Variants in CCDC3 observed in about 807,000 individuals in gnomAD.
CCDC3 encodes the protein coiled-coil domain-containing protein 3.
In CCDC3, 24 loss-of-function variants were observed where a neutral mutation model predicts 21.4. The observed-to-expected ratio is 1.12, with a 90% CI of 0.81 to 1.58. The LOEUF is 1.58. Among genes scored for constraint, CCDC3 ranks in the 40% most tolerant of loss-of-function variants. CCDC3 has a pLI of 0.00. For synonymous variants in CCDC3, 186 were observed against 166.0 expected (o/e 1.12, Z -0.93); for missense variants, 425 against 360.9 (o/e 1.18, Z -1.44).
upstream of CCDC3, among the ~76,000 whole-genome samples, chr10:13,004,978 CA>C (rs964980851): frequency 6.6e-6 from 1 of 152,154 alleles, no homozygotes; most frequent in African/African-American, 2.4e-5. Context: ...TCCATTCATT[CA>C]CCTCTTCCCA....
At chr10:13,034,423 A>T (rs1216987925) in intron 5 of CCDC3, among the ~76,000 whole-genome samples, 4 of 151,930 alleles carry the variant, frequency 2.6e-5, no homozygotes, top group African/African-American at 9.7e-5. Context: ...GCACACCAAC[A>T]TGGCACCTGT....
At chr10:12,958,759 G>C (rs1196645527) in intron 2 of CCDC3, among the ~76,000 whole-genome samples, 1 of 152,136 alleles carries the variant, frequency 6.6e-6, no homozygotes, top group African/African-American at 2.4e-5. Context: ...GCTGACATCA[G>C]CCTCATCCTC....
chr10:13,032,766 T>C (rs960340824), intron 5 of CCDC3, among the ~76,000 whole-genome samples: 1 of 152,112 alleles, frequency 6.6e-6, no homozygotes. Context: ...ATAAAATACC[T>C]AGGAATCCAA....
intron 2 of CCDC3, among the ~76,000 whole-genome samples, chr10:12,989,818 T>C (rs563837483): frequency 6.6e-6 from 1 of 152,316 alleles, no homozygotes; most frequent in East Asian, 1.9e-4. Flanking sequence ...TCATTTGCGC[T>C]GCTGGTGCAA....
chr10:12,933,786 T>A (rs1438776235), intron 2 of CCDC3, among the ~76,000 whole-genome samples: 3 of 152,132 alleles, frequency 2.0e-5, no homozygotes, highest in Non-Finnish European at 4.4e-5. Flanking sequence ...CCTTTAAATG[T>A]CCATGGGATC....
chr10:12,992,271 T>C (rs1356376054), intron 2 of CCDC3, among the ~76,000 whole-genome samples: 1 of 152,002 alleles, frequency 6.6e-6, no homozygotes, highest in Non-Finnish European at 1.5e-5. Flanking sequence ...GCGCCTGTAG[T>C]CCCAGCTACT....
intron 2 of CCDC3, among the ~76,000 whole-genome samples, chr10:12,900,164 C>G (rs922258522): frequency 1.3e-5 from 2 of 152,188 alleles, no homozygotes; most frequent in Non-Finnish European, 2.9e-5. Context: ...TCCATTAAAC[C>G]TTTCCTTTAT....
At chr10:13,016,213 C>T (rs1369761032) in intron 5 of CCDC3, among the ~76,000 whole-genome samples, 1 of 151,792 alleles carries the variant, frequency 6.6e-6, no homozygotes, top group Non-Finnish European at 1.5e-5. Context: ...TCAAAATTCC[C>T]CTCCCATAGA....
intron 2 of CCDC3, among the ~76,000 whole-genome samples, chr10:12,955,166 C>T (rs745631339): frequency 3.4e-4 from 51 of 152,216 alleles, no homozygotes; most frequent in African/African-American, 1.2e-3. Context: ...TTGGTATACC[C>T]AGTGAAGTGA....
chr10:13,080,497 A>C (rs917803844), intron 3 of CCDC3, among the ~76,000 whole-genome samples: 3 of 152,226 alleles, frequency 2.0e-5, no homozygotes, highest in Non-Finnish European at 4.4e-5. Context: ...AATAAAATAT[A>C]CTTTTAGTAA....
intron 3 of CCDC3, among the ~76,000 whole-genome samples, chr10:13,089,744 T>G (rs1837158047): frequency 6.7e-6 from 1 of 150,142 alleles, no homozygotes; most frequent in Non-Finnish European, 1.5e-5. Context: ...GGATAAGTTT[T>G]TTACTGGTGG....
intron 4 of CCDC3, among the ~76,000 whole-genome samples, chr10:13,059,938 T>G (rs1659845): frequency 0.74 from 112,289 of 151,838 alleles, 41,680 homozygotes; most frequent in African/African-American, 0.79. Context: ...AATACGAAAC[T>G]TAGCCGGGCG....
At chr10:13,065,658 AC>A (rs1483572167) in intron 4 of CCDC3, among the ~76,000 whole-genome samples, 1 of 151,978 alleles carries the variant, frequency 6.6e-6, no homozygotes, top group African/African-American at 2.4e-5. Context: ...GCAATGTCCT[AC>A]CCCCTCCACA....
chr10:12,947,641 T>C (rs1377331143), intron 2 of CCDC3, among the ~76,000 whole-genome samples: 1 of 152,226 alleles, frequency 6.6e-6, no homozygotes, highest in Admixed American at 6.5e-5. Context: ...CTTCTAATTA[T>C]TTTGAGCCAG....
At chr10:12,967,448 A>G (rs1835278384) in intron 2 of CCDC3, among the ~76,000 whole-genome samples, 1 of 152,198 alleles carries the variant, frequency 6.6e-6, no homozygotes, top group Non-Finnish European at 1.5e-5. Flanking sequence ...ATAATAAATA[A>G]TCAACATTAG....
chr10:12,967,084 C>G (rs1271608887), intron 2 of CCDC3, among the ~76,000 whole-genome samples: 1 of 152,184 alleles, frequency 6.6e-6, no homozygotes, highest in Non-Finnish European at 1.5e-5. Context: ...GGTGAGGCAG[C>G]TGTGAAACCA....
chr10:12,983,148 A>ATATATG (rs1835531128), intron 2 of CCDC3, among the ~76,000 whole-genome samples: 1 of 25,518 alleles, frequency 3.9e-5, no homozygotes, highest in Non-Finnish European at 1.3e-4. Context: ...ATATATATAT[A>ATATATG]TATATATATA....
intron 5 of CCDC3, among the ~76,000 whole-genome samples, chr10:13,016,748 C>T (rs979623891): frequency 1.1e-4 from 17 of 151,994 alleles, no homozygotes; most frequent in Non-Finnish European, 2.4e-4. Context: ...TGTTGGAATC[C>T]GGTTCTATAA....
At chr10:12,970,398 C>T (rs1326177567) in intron 2 of CCDC3, among the ~76,000 whole-genome samples, 1 of 152,104 alleles carries the variant, frequency 6.6e-6, no homozygotes, top group Non-Finnish European at 1.5e-5. Context: ...AGTTGAGGTA[C>T]ATCTGTAGTA....
Sources: allele counts gnomAD v4.1 joint callset (sites outside exome capture counted in the v4.1 genomes callset), GRCh38; gene constraint gnomAD v4.1.1; transcripts MANE v1.5; gene names NCBI Gene and HGNC (gene_info 2026-07-23, HGNC 2026-07-21).